ANKS1B: variants seen among roughly 807,000 people sequenced by gnomAD.
ANKS1B encodes ankyrin repeat and sterile alpha motif domain-containing protein 1B.
Under a neutral mutation model 148.3 loss-of-function variants are expected in ANKS1B, and 36 were observed. The observed-to-expected ratio is 0.24, with a 90% CI of 0.19 to 0.32. The LOEUF (loss-of-function observed/expected upper bound fraction) is 0.32, where lower values mean the gene tolerates loss of function less well. Ranked by LOEUF, ANKS1B falls within the 10% of genes least tolerant of loss-of-function variation. ANKS1B has a pLI of 1.00. For synonymous variants in ANKS1B, 542 were observed against 560.8 expected (o/e 0.97, Z 0.47); for missense variants, 1,157 against 1,542.6 (o/e 0.75, Z 4.19).
Position 98,744,677 on chromosome 12 carries a change from TTC to T in ANKS1B, c.*1060_*1061del, listed in dbSNP as rs2097844195. 2.8e-5 allele frequency: 27 copies of T among 953,504 alleles called. No individual in the cohort carries two copies. Among genetic ancestry groups the T allele is most frequent in the Non-Finnish European group, 3.1e-5 (25 of 802,164 alleles). The allele number at this position is 953,504 out of a possible 1,614,324, so 59.1% of individuals were successfully genotyped here. A position where few individuals can be genotyped will look rare whatever the true frequency, so the allele number is the denominator to read the frequency against. On this transcript the variant is annotated 3_prime_UTR_variant, in exon 27 of 27. Transcript: ENST00000683438. Reference sequence around the variant, plus strand: ...AAAAGTTTTATTACTTTGGAATTTCTTCTTTTTTTTTTTTGTATTTATTTTTT... The same window carrying T: ...AAAAGTTTTATTACTTTGGAATTTCTTTTTTTTTTTTTGTATTTATTTTTT...
At chr12:99,391,002 C>T (rs1490615665) in intron 12 of ANKS1B, among the ~76,000 whole-genome samples, 2 of 152,212 alleles carry the variant, frequency 1.3e-5, no homozygotes, top group Admixed American at 6.5e-5. Flanking sequence ...CCTAAATATG[C>T]CACCTGCAGG....
At chr12:99,498,845 A>T (rs2096628941) in intron 10 of ANKS1B, among the ~76,000 whole-genome samples, 1 of 152,182 alleles carries the variant, frequency 6.6e-6, no homozygotes, top group Non-Finnish European at 1.5e-5. Context: ...TAACAAAGGG[A>T]ATACATCAGT....
At chr12:99,796,004 C>T (rs1045768935) in intron 4 of ANKS1B, among the ~76,000 whole-genome samples, 2 of 152,014 alleles carry the variant, frequency 1.3e-5, no homozygotes, top group African/African-American at 2.4e-5. Flanking sequence ...AAGTCAAGAA[C>T]TTTCACCTTT....
chr12:98,972,522 G>A (rs769020025), intron 17 of ANKS1B, among the ~76,000 whole-genome samples: 80 of 152,182 alleles, frequency 5.3e-4, no homozygotes, highest in Non-Finnish European at 9.4e-4. Context: ...AAGTCACCAA[G>A]TTGAGATCAT....
chr12:99,897,931 T>C (rs1371433006), intron 1 of ANKS1B, among the ~76,000 whole-genome samples: 1 of 143,222 alleles, frequency 7.0e-6, no homozygotes, highest in Non-Finnish European at 1.6e-5. Flanking sequence ...AAGAGAATGA[T>C]GGGAAATAAG....
intron 17 of ANKS1B, among the ~76,000 whole-genome samples, chr12:99,042,391 C>T (rs1161937617): frequency 3.9e-5 from 6 of 152,218 alleles, no homozygotes; most frequent in Non-Finnish European, 7.4e-5. Flanking sequence ...CTGAGACCAC[C>T]CCAGGTCAGT....
intron 15 of ANKS1B, among the ~76,000 whole-genome samples, chr12:99,131,828 A>G (rs535982816): frequency 3.9e-5 from 6 of 152,086 alleles, no homozygotes; most frequent in Non-Finnish European, 8.8e-5. Flanking sequence ...GGGGCCGCCT[A>G]CTCAGCCTCC....
intron 15 of ANKS1B, among the ~76,000 whole-genome samples, chr12:99,120,201 G>A (rs1019462858): frequency 3.3e-5 from 5 of 152,198 alleles, no homozygotes; most frequent in South Asian, 2.1e-4. Context: ...TCCTTGGGCC[G>A]TGGAAGGAAA....
intron 20 of ANKS1B, among the ~76,000 whole-genome samples, chr12:98,806,047 T>C (rs572930287): frequency 6.6e-6 from 1 of 152,298 alleles, no homozygotes; most frequent in East Asian, 1.9e-4. Flanking sequence ...AACTTTTGTA[T>C]ATTTAGTAGA....
chr12:98,830,568 T>C (rs1283116953), intron 18 of ANKS1B, among the ~76,000 whole-genome samples: 2 of 152,188 alleles, frequency 1.3e-5, no homozygotes, highest in East Asian at 1.9e-4. Context: ...ATCCTGACAG[T>C]GGCTATGCTG....
intron 17 of ANKS1B, among the ~76,000 whole-genome samples, chr12:98,997,166 T>C (rs1410126642): frequency 6.6e-6 from 1 of 152,174 alleles, no homozygotes; most frequent in Non-Finnish European, 1.5e-5. Flanking sequence ...AAGTGTACCA[T>C]GTATGCTAAC....
At chr12:99,213,097 T>C (rs1441543854) in intron 14 of ANKS1B, among the ~76,000 whole-genome samples, 3 of 152,194 alleles carry the variant, frequency 2.0e-5, no homozygotes, top group Non-Finnish European at 4.4e-5. Context: ...TTCTGCTATT[T>C]CTCTGTCTTT....
chr12:99,001,394 G>C (rs1264686397), intron 17 of ANKS1B, among the ~76,000 whole-genome samples: 1 of 152,140 alleles, frequency 6.6e-6, no homozygotes, highest in Non-Finnish European at 1.5e-5. Context: ...CTCCTAAAGT[G>C]CTGGGAATAT....
chr12:99,059,788 C>CATATATATATATATATATAT (rs759625732), intron 16 of ANKS1B, among the ~76,000 whole-genome samples: 3,826 of 89,840 alleles, frequency 0.043, 299 homozygotes, highest in East Asian at 0.066. Flanking sequence ...AACTAAAATT[C>CATATATATATATATATATAT]ATATATATAT....
intron 14 of ANKS1B, among the ~76,000 whole-genome samples, chr12:99,164,549 C>G (rs576254151): frequency 5.7e-4 from 86 of 152,094 alleles, no homozygotes; most frequent in Admixed American, 2.3e-3. Context: ...TTTCCCTGCT[C>G]TAATGATCAG....
At chr12:99,248,636 T>G (rs1566732771) in intron 12 of ANKS1B, among the ~76,000 whole-genome samples, 1 of 152,198 alleles carries the variant, frequency 6.6e-6, no homozygotes, top group East Asian at 1.9e-4. Flanking sequence ...ATAAGGCAGC[T>G]TTCAATTCTC....
At chr12:99,465,274 A>C (rs1162580730) in intron 10 of ANKS1B, among the ~76,000 whole-genome samples, 2 of 152,172 alleles carry the variant, frequency 1.3e-5, no homozygotes, top group African/African-American at 4.8e-5. Context: ...GCCTGCCCTA[A>C]AAGAGCTCCT....
At chr12:99,518,869 A>G (rs1185725106) in intron 9 of ANKS1B, among the ~76,000 whole-genome samples, 1 of 151,872 alleles carries the variant, frequency 6.6e-6, no homozygotes, top group Admixed American at 6.6e-5. Context: ...TATAGGATAA[A>G]CTTTCCTCTT....
chr12:99,445,301 T>G (rs1472541127), intron 10 of ANKS1B, among the ~76,000 whole-genome samples: 1 of 152,016 alleles, frequency 6.6e-6, no homozygotes, highest in African/African-American at 2.4e-5. Context: ...AGTCAAATAT[T>G]ATGTTATGTT....
Sources: gnomAD v4.1 joint callset for allele counts (sites outside exome capture counted in the v4.1 genomes callset) on GRCh38, gnomAD v4.1.1 for gene constraint, MANE v1.5 for transcripts, NCBI Gene and HGNC (gene_info 2026-07-23, HGNC 2026-07-21) for gene names.